BCAR3: variants seen among roughly 807,000 people sequenced by gnomAD.
BCAR3 encodes BCAR3 adaptor protein, NSP family member, also known as breast cancer anti-estrogen resistance protein 3.
BCAR3 carries 37 observed loss-of-function variants against 80.1 expected under a neutral mutation model. The ratio of observed to expected loss-of-function variants is 0.46; its 90% CI spans 0.36 to 0.61. The LOEUF is 0.61. BCAR3 is among the 20% of genes least tolerant of loss of function. The probability of loss-of-function intolerance (pLI) is 0.00; values close to 1 mark genes in which losing one functional copy is unlikely to be tolerated. For missense variants in BCAR3, 978 were observed against 1,068.2 expected (o/e 0.92, Z 1.18); for synonymous variants, 389 against 418.9 (o/e 0.93, Z 0.87).
At chr1:93,703,994 A>G (rs75309600) in intron 3 of BCAR3, among the ~76,000 whole-genome samples, 123 of 152,382 alleles carry the variant, frequency 8.1e-4, no homozygotes, top group African/African-American at 2.7e-3. Flanking sequence ...ACATTCAGTT[A>G]TTCACACTAG....
In BCAR3 at chr1:93,576,097, C is replaced by G. The variant is rs770983286; in HGVS notation, c.1719G>C (p.Met573Ile). Residue 573 changes from methionine (M) to isoleucine (I), a missense_variant, in exon 8 of 12, where the codon ATG (methionine) becomes ATC (isoleucine). Transcript: ENST00000260502. ...VARILGVSEE[M>I]RRNMGVSSGL... The stretch of plus-strand genomic sequence containing the variant: ...CTGAGCTCACCCCCATGTTCCTCCT[C>G]ATCTCTTCAGAGACTCCAAGTATCC... The G allele has an allele frequency of 6.2e-7, 1 of 1,614,140 alleles. No homozygotes were observed. The highest frequency in any genetic ancestry group is 1.7e-5 in the Admixed American group (1 of 60,020).
intron 2 of BCAR3, among the ~76,000 whole-genome samples, chr1:93,725,302 T>C (rs1356264176): frequency 1.3e-5 from 2 of 152,364 alleles, no homozygotes; most frequent in East Asian, 1.9e-4. Flanking sequence ...ATGTGAAATA[T>C]TATAAGATTA....
rs116545384 is a variant in BCAR3 at position 93,582,306 on chromosome 1, A to C, written c.1681T>G (p.Cys561Gly). The C allele has an allele frequency of 1.7e-3, 2,765 of 1,612,380 alleles. 44 individuals are homozygous for C. In the African/African-American group the frequency reaches 0.032, roughly 19 times the overall value. The change falls in exon 7 of 12, where the codon TGC (cysteine) becomes GGC (glycine). Residue 561 changes from cysteine to glycine, a missense_variant. Transcript: ENST00000260502. ...CCAGGACCCCCAGCGCTTACCCTGCAGTCCATGCTCAGTACGTGCTGGGCG... is the reference window on the plus strand; with the variant it reads ...CCAGGACCCCCAGCGCTTACCCTGCCGTCCATGCTCAGTACGTGCTGGGCG... The part of the protein sequence containing the change: ...VIAQHVLSMD[C>G]RVARILGVSE...
At chr1:93,566,610 C>T (rs1672963074) in intron 11 of BCAR3, among the ~76,000 whole-genome samples, 1 of 152,102 alleles carries the variant, frequency 6.6e-6, no homozygotes, top group South Asian at 2.1e-4. Context: ...GAGCTCACTT[C>T]CCAGTGTGAC....
chr1:93,750,849 C>T (rs1340433153), intron 2 of BCAR3, among the ~76,000 whole-genome samples: 1 of 152,192 alleles, frequency 6.6e-6, no homozygotes, highest in Admixed American at 6.5e-5. Flanking sequence ...GATCTTTACC[C>T]TTCCCAGATG....
rs193292820 is a variant in BCAR3, at chr1:93,674,106, A to G, written c.317+508T>C. ...CCAAAATATTTCCAGATGAAATAAT[A>G]TGAAATCTGAGATTTGCTTCAAAAT... On this transcript the variant is annotated intron_variant, in intron 2 of 11. Coordinates refer to ENST00000260502, the MANE Select transcript of BCAR3 (RefSeq NM_003567.4). 2.0e-5 allele frequency among the ~76,000 whole-genome samples: 3 copies of G among 152,372 alleles called. No individual in the cohort carries two copies. The East Asian group carries it at 5.8e-4, about 29-fold the overall frequency.
chr1:93,571,052 A>C (rs1673190340), intron 9 of BCAR3, among the ~76,000 whole-genome samples: 1 of 151,992 alleles, frequency 6.6e-6, no homozygotes, highest in Admixed American at 6.5e-5. Flanking sequence ...AAAAATACAA[A>C]AATTAGCCAG....
At chr1:93,598,417 C>T (rs935406844) in intron 3 of BCAR3, among the ~76,000 whole-genome samples, 1 of 152,178 alleles carries the variant, frequency 6.6e-6, no homozygotes, top group Non-Finnish European at 1.5e-5. Flanking sequence ...CTAGTTCCCA[C>T]AGGATTTTAA....
rs752519228 is a variant in BCAR3, at chr1:93,582,437, G to C, written c.1550C>G (p.Pro517Arg). Reference sequence around the variant, plus strand: ...AAGGAACTTTGACTCAAACTCGTTGGGCCTGAAGGAGGAGACAGTCTCCAG... The same window carrying C: ...AAGGAACTTTGACTCAAACTCGTTGCGCCTGAAGGAGGAGACAGTCTCCAG... ...PLLETVSSFR[P>R]NEFESKFLPP... Residue 517 changes from proline to arginine, a missense_variant, in exon 7 of 12, where the codon CCC becomes CGC. Physicochemically the swap from Pro to Arg is moderately radical, Grantham distance 103 (BLOSUM62 -2). Coordinates refer to ENST00000260502, the MANE Select transcript of BCAR3 (RefSeq NM_003567.4). 9 of 1,614,158 alleles carry C rather than the reference G, an allele frequency of 5.6e-6. No individual in the cohort carries two copies. The highest frequency in any genetic ancestry group is 7.6e-6 in the Non-Finnish European group (9 of 1,180,024).
chr1:93,667,810 C>T (rs1165516566), intron 2 of BCAR3, among the ~76,000 whole-genome samples: 2 of 152,336 alleles, frequency 1.3e-5, no homozygotes, highest in African/African-American at 2.4e-5. Context: ...GGCATATCAG[C>T]CATGTGGCTC....
intron 3 of BCAR3, among the ~76,000 whole-genome samples, chr1:93,700,581 T>G (rs756899010): frequency 6.6e-6 from 1 of 152,100 alleles, no homozygotes; most frequent in Non-Finnish European, 1.5e-5. Flanking sequence ...ACCTATAGGT[T>G]AAACAGAGAT....
At chr1:93,587,274 C>A (rs1215425827) in intron 5 of BCAR3, among the ~76,000 whole-genome samples, 2 of 152,304 alleles carry the variant, frequency 1.3e-5, no homozygotes, top group East Asian at 3.9e-4. Flanking sequence ...AATCTGCCCA[C>A]CTTAGCCTCC....
chr1:93,847,953 G>T, upstream of BCAR3: 1 of 236,702 alleles, frequency 4.2e-6, no homozygotes, highest in Non-Finnish European at 8.2e-6. Flanking sequence ...GCGAAGGCTC[G>T]CGGTTTCGGC....
intron 2 of BCAR3, among the ~76,000 whole-genome samples, chr1:93,805,188 C>T (rs1653616717): frequency 6.6e-6 from 1 of 152,130 alleles, no homozygotes; most frequent in African/African-American, 2.4e-5. Context: ...CATAAGCCTA[C>T]AATAAAGAAG....
chr1:93,611,661 C>A (rs1674952528), intron 3 of BCAR3, among the ~76,000 whole-genome samples: 1 of 152,162 alleles, frequency 6.6e-6, no homozygotes, highest in South Asian at 2.1e-4. Flanking sequence ...GGTCTTTATA[C>A]ACAAGTCCGT....
chr1:93,661,781 G>C (rs573648825), intron 2 of BCAR3, among the ~76,000 whole-genome samples: 1 of 152,304 alleles, frequency 6.6e-6, no homozygotes, highest in African/African-American at 2.4e-5. Context: ...TAGCCACTGC[G>C]CCCAGCCCCA....
intron 2 of BCAR3, among the ~76,000 whole-genome samples, chr1:93,752,121 T>A (rs1299634831): frequency 6.6e-6 from 1 of 152,202 alleles, no homozygotes; most frequent in African/African-American, 2.4e-5. Flanking sequence ...GAGGCCACCC[T>A]CTTCAAAGGC....
At chr1:93,634,365 AG>A (rs1675713484) in intron 3 of BCAR3, among the ~76,000 whole-genome samples, 1 of 152,108 alleles carries the variant, frequency 6.6e-6, no homozygotes. Context: ...TTCTCATGAT[AG>A]TGAATAAGTC....
At chr1:93,790,634 A>ATTCTTTTT (rs1234204229) in intron 2 of BCAR3, among the ~76,000 whole-genome samples, 10 of 107,404 alleles carry the variant, frequency 9.3e-5, no homozygotes, top group African/African-American at 2.0e-4. Context: ...TTTTGTATTC[A>ATTCTTTTT]TTTTTTTTTT....
Sources: allele counts gnomAD v4.1 joint callset (sites outside exome capture counted in the v4.1 genomes callset), GRCh38; gene constraint gnomAD v4.1.1; transcripts MANE v1.5; gene names NCBI Gene and HGNC (gene_info 2026-07-23, HGNC 2026-07-21).